The following PKHD1 variants were observed in gnomAD, a reference collection of about 807,000 sequenced individuals.
PKHD1 encodes the protein fibrocystin.
PKHD1 carries 291 observed loss-of-function variants against 412.0 expected under a neutral mutation model. The ratio of observed to expected loss-of-function variants is 0.71; its 90% CI spans 0.64 to 0.78. The LOEUF is 0.78. PKHD1 is among the 30% of genes least tolerant of loss of function. PKHD1 has a pLI of 0.00. For synonymous variants in PKHD1, 1,777 were observed against 1,821.5 expected (o/e 0.98, Z 0.62); for missense variants, 4,825 against 4,950.7 (o/e 0.97, Z 0.76).
In PKHD1 at chr6:52,024,857, AC is replaced by A; in HGVS notation, c.4952del (p.Gly1651ValfsTer10). 6.2e-7 allele frequency: 1 copy of A among 1,614,206 alleles called. No homozygotes were observed. The highest frequency in any genetic ancestry group is 1.1e-5 in the South Asian group (1 of 91,084). The stretch of plus-strand genomic sequence containing the variant: ...ATTCTGGGGTAAAGGCCTTGTTATA[AC>A]CAATGACTCCTATGTGATACCAAAG... ...DGLWYHIGVI[G>X]YNKAFTPELI... On this transcript the variant is annotated frameshift_variant, in exon 32 of 67. Transcript: ENST00000371117. LOFTEE classifies it high-confidence loss of function.
chr6:51,783,319 GT>G (rs1237087027), intron 53 of PKHD1, among the ~76,000 whole-genome samples: 3 of 147,490 alleles, frequency 2.0e-5, no homozygotes, highest in Non-Finnish European at 4.5e-5. Context: ...TAGGATATGT[GT>G]TTCAAAAATG....
chr6:51,849,838 T>C (rs193094307), intron 49 of PKHD1, among the ~76,000 whole-genome samples: 3 of 152,338 alleles, frequency 2.0e-5, no homozygotes, highest in Non-Finnish European at 4.4e-5. Flanking sequence ...TCCCATTCTG[T>C]AGGTTGCTTG....
chr6:51,770,015 T>C (rs1789800396), intron 55 of PKHD1, among the ~76,000 whole-genome samples: 1 of 143,436 alleles, frequency 7.0e-6, no homozygotes, highest in Admixed American at 6.8e-5. Context: ...TATTAAAATT[T>C]ATTAAGGTAA....
At chr6:52,007,231 G>A (rs1351140112) in intron 35 of PKHD1, among the ~76,000 whole-genome samples, 12 of 152,146 alleles carry the variant, frequency 7.9e-5, no homozygotes, top group Admixed American at 7.9e-4. Flanking sequence ...TGGATCAAAT[G>A]GTAGTCTACT....
At chr6:51,627,223 C>T in intron 65 of PKHD1, 107 bp from the exon 66 acceptor site, 1 of 984,758 alleles carries the variant, frequency 1.0e-6, no homozygotes, top group South Asian at 1.3e-5. Flanking sequence ...TTATCATACA[C>T]ATGCAACAGA....
intron 60 of PKHD1, among the ~76,000 whole-genome samples, chr6:51,690,559 A>T (rs1313873761): frequency 6.6e-6 from 1 of 152,124 alleles, no homozygotes; most frequent in Non-Finnish European, 1.5e-5. Flanking sequence ...AAAACAAACA[A>T]TGCAGAAGGG....
At chr6:51,735,294 T>C (rs1317653227) in intron 60 of PKHD1, among the ~76,000 whole-genome samples, 1 of 152,124 alleles carries the variant, frequency 6.6e-6, no homozygotes, top group Non-Finnish European at 1.5e-5. Context: ...CTGTGAAAAA[T>C]TAGTTAACTT....
chr6:51,671,802 C>A (rs921707644), intron 60 of PKHD1, among the ~76,000 whole-genome samples: 1 of 152,076 alleles, frequency 6.6e-6, no homozygotes, highest in Admixed American at 6.5e-5. Context: ...TTGGGGTACC[C>A]GCCCGTGTGA....
At chr6:51,828,654 C>T (rs947021887) in intron 52 of PKHD1, among the ~76,000 whole-genome samples, 18 of 151,992 alleles carry the variant, frequency 1.2e-4, no homozygotes, top group Non-Finnish European at 2.1e-4. Context: ...GCTTACTGAA[C>T]GTCTACTTTG....
intron 35 of PKHD1, among the ~76,000 whole-genome samples, chr6:51,977,502 A>G (rs1423421921): frequency 6.6e-6 from 1 of 152,190 alleles, no homozygotes; most frequent in Non-Finnish European, 1.5e-5. Flanking sequence ...TTTCAAAGCC[A>G]GGTCATTCCT....
chr6:51,852,892 G>GCCC (rs1229881631), intron 49 of PKHD1, among the ~76,000 whole-genome samples: 1 of 152,058 alleles, frequency 6.6e-6, no homozygotes, highest in Non-Finnish European at 1.5e-5. Flanking sequence ...TTTAATTGGG[G>GCCC]CATTTAGCCC....
chr6:51,829,660 G>A (rs909394232), intron 52 of PKHD1, among the ~76,000 whole-genome samples: 1 of 152,168 alleles, frequency 6.6e-6, no homozygotes, highest in South Asian at 2.1e-4. Flanking sequence ...ACTCACACCT[G>A]TCCCTCGTGT....
chr6:51,866,444 G>A (rs998584807), intron 48 of PKHD1, among the ~76,000 whole-genome samples: 11 of 152,092 alleles, frequency 7.2e-5, no homozygotes, highest in African/African-American at 2.7e-4. Context: ...CCCAAGTGGT[G>A]GGATCATGAC....
At chr6:52,048,158 C>T (rs530899618) in intron 23 of PKHD1, among the ~76,000 whole-genome samples, 2 of 152,298 alleles carry the variant, frequency 1.3e-5, no homozygotes, top group East Asian at 1.9e-4. Context: ...TGATTTTGGA[C>T]TTCTGGCCCC....
chr6:51,718,425 C>T (rs1457924758), intron 60 of PKHD1, among the ~76,000 whole-genome samples: 3 of 152,174 alleles, frequency 2.0e-5, no homozygotes, highest in South Asian at 4.1e-4. Flanking sequence ...ATGTGTCTTA[C>T]GTTTCAACTA....
chr6:51,856,166 C>G, intron 48 of PKHD1, 96 bp from the exon 49 acceptor site: 2 of 811,476 alleles, frequency 2.5e-6, no homozygotes, highest in Non-Finnish European at 4.4e-6. Context: ...AATCATCTTT[C>G]CATTCTCTCC....
At position 51,616,593 on chromosome 6, in the gene PKHD1, C is replaced by T. The variant is rs1489368824; in HGVS notation, c.*2488G>A. ...TGGGTTGAGGAATTTTAGCTAGATG[C>T]CAAAATTCCATGCCACATGCTAGAG... On this transcript the variant is annotated 3_prime_UTR_variant, in exon 67 of 67. Coordinates refer to ENST00000371117, the MANE Select transcript of PKHD1 (RefSeq NM_138694.4). The T allele has an allele frequency of 1.0e-5, 4 of 396,180 alleles. No homozygotes were observed. The highest frequency in any genetic ancestry group is 6.2e-4 in the Middle Eastern group (1 of 1,604). 24.5% of individuals were successfully genotyped at this position (396,180 alleles called of 1,614,324 possible).
rs182895450 is a variant in PKHD1 at position 51,745,885 on chromosome 6, A to G, written c.9998+836T>C. Among the ~76,000 whole-genome samples the G allele has an allele frequency of 6.6e-5, 10 of 152,234 alleles. No individual in the cohort carries two copies. In the East Asian group the frequency reaches 1.9e-3, roughly 29 times the overall value. The stretch of plus-strand genomic sequence containing the variant: ...AGTGACAAAACAACACAAATTGCCT[A>G]CCTACTCATGTTTAGGTACCTAATC... On this transcript the variant is annotated intron_variant, in intron 59 of 66. Transcript: ENST00000371117.
At chr6:52,000,676 G>C (rs1249727871) in intron 35 of PKHD1, among the ~76,000 whole-genome samples, 1 of 152,176 alleles carries the variant, frequency 6.6e-6, no homozygotes, top group Non-Finnish European at 1.5e-5. Context: ...GTTAAGAGTA[G>C]TGTAGCTGAG....
Sources: allele counts gnomAD v4.1 joint callset (sites outside exome capture counted in the v4.1 genomes callset), GRCh38; gene constraint gnomAD v4.1.1; transcripts MANE v1.5; gene names NCBI Gene and HGNC (gene_info 2026-07-23, HGNC 2026-07-21).